FHIT: variants seen among roughly 807,000 people sequenced by gnomAD.
FHIT encodes the protein bis(5'-adenosyl)-triphosphatase.
FHIT carries 19 observed loss-of-function variants against 17.9 expected under a neutral mutation model. The observed-to-expected ratio is 1.06, with a 90% CI of 0.74 to 1.56. The LOEUF (loss-of-function observed/expected upper bound fraction) is 1.56. Among genes scored for constraint, FHIT ranks in the 40% most tolerant of loss-of-function variants. The pLI is 0.00. For synonymous variants in FHIT, 81 were observed against 69.7 expected, an observed-to-expected ratio of 1.16 and a Z score of -0.81; for missense variants, 248 against 189.2, an observed-to-expected ratio of 1.31 and a Z score of -1.82.
intron 5 of FHIT, among the ~76,000 whole-genome samples, chr3:60,132,945 A>T (rs1480875107): frequency 6.6e-6 from 1 of 152,128 alleles, no homozygotes; most frequent in East Asian, 1.9e-4. Context: ...ATTACTGAAG[A>T]CAAATGACAT....
chr3:60,172,973 G>A (rs1022026262), intron 5 of FHIT, among the ~76,000 whole-genome samples: 2 of 152,084 alleles, frequency 1.3e-5, no homozygotes, highest in Non-Finnish European at 2.9e-5. Context: ...TATGGGTAAC[G>A]AATAAAACAC....
At chr3:60,225,173 C>T (rs1009495718) in intron 5 of FHIT, among the ~76,000 whole-genome samples, 1 of 152,204 alleles carries the variant, frequency 6.6e-6, no homozygotes, top group Admixed American at 6.5e-5. Context: ...TAATAGTTCA[C>T]AGACCATATA....
rs567724479 is a variant in FHIT at position 60,265,010 on chromosome 3, C to T, written c.104-250858G>A. ...ATTGCTCCCAAGAATTAATTTTCAC[C>T]GGCTTGGGGGTGATATCACTCCCAC... On this transcript the variant is annotated intron_variant, in intron 5 of 9. Transcript: ENST00000492590. 9.2e-5 allele frequency among the ~76,000 whole-genome samples: 14 copies of T among 151,778 alleles called. No individual in the cohort carries two copies. In the East Asian group the frequency reaches 9.7e-4, roughly 11 times the overall value.
chr3:60,275,927 T>G (rs1224172490), intron 5 of FHIT, among the ~76,000 whole-genome samples: 2 of 152,196 alleles, frequency 1.3e-5, no homozygotes, highest in African/African-American at 4.8e-5. Flanking sequence ...CAGCAATTAT[T>G]GCTCTCCTTC....
intron 8 of FHIT, among the ~76,000 whole-genome samples, chr3:59,894,053 G>A (rs1703963423): frequency 6.6e-6 from 1 of 152,158 alleles, no homozygotes; most frequent in Admixed American, 6.5e-5. Flanking sequence ...GATCACTTTA[G>A]ACCAGCCTGG....
At chr3:60,333,176 A>T (rs568048173) in intron 5 of FHIT, among the ~76,000 whole-genome samples, 30 of 152,248 alleles carry the variant, frequency 2.0e-4, no homozygotes, top group Non-Finnish European at 4.0e-4. Context: ...TGCTTCTGTT[A>T]TCCAATGCTG....
At chr3:61,221,779 A>G (rs1260433310) in intron 1 of FHIT, among the ~76,000 whole-genome samples, 1 of 152,182 alleles carries the variant, frequency 6.6e-6, no homozygotes, top group Non-Finnish European at 1.5e-5. Context: ...GTTGGAGAAT[A>G]CCAGCTCCCC....
chr3:59,805,646 GA>G (rs931560650), intron 8 of FHIT, among the ~76,000 whole-genome samples: 2 of 152,172 alleles, frequency 1.3e-5, no homozygotes, highest in Non-Finnish European at 2.9e-5. Context: ...TCTAACTGTA[GA>G]AATGGAATGG....
At chr3:60,145,996 T>G (rs1700222252) in intron 5 of FHIT, among the ~76,000 whole-genome samples, 2 of 152,192 alleles carry the variant, frequency 1.3e-5, no homozygotes, top group East Asian at 1.9e-4. Context: ...CATACAGCTT[T>G]GTCATCAAAA....
At chr3:60,173,932 T>TTTTTTTTTTTTG (rs1701550690) in intron 5 of FHIT, among the ~76,000 whole-genome samples, 1 of 113,352 alleles carries the variant, frequency 8.8e-6, no homozygotes, top group Non-Finnish European at 1.8e-5. Context: ...TTTTTTTTTT[T>TTTTTTTTTTTTG]GAGATCGAGT....
chr3:60,426,859 T>A (rs1702687178), intron 5 of FHIT, among the ~76,000 whole-genome samples: 1 of 152,154 alleles, frequency 6.6e-6, no homozygotes, highest in Non-Finnish European at 1.5e-5. Context: ...AGCAGACTTC[T>A]GAGATGTCCC....
chr3:60,090,411 G>A (rs1244426375), intron 5 of FHIT, among the ~76,000 whole-genome samples: 3 of 152,128 alleles, frequency 2.0e-5, no homozygotes, highest in African/African-American at 4.8e-5. Context: ...TAATTCAGTG[G>A]CCTGTTTGGT....
At chr3:60,388,693 T>C (rs1299681633) in intron 5 of FHIT, among the ~76,000 whole-genome samples, 1 of 152,220 alleles carries the variant, frequency 6.6e-6, no homozygotes, top group Non-Finnish European at 1.5e-5. Flanking sequence ...TATGCATTCA[T>C]ACATTGCTAC....
chr3:60,114,489 C>CTTTTTT (rs1576129465), intron 5 of FHIT, among the ~76,000 whole-genome samples: 3 of 61,602 alleles, frequency 4.9e-5, no homozygotes, highest in African/African-American at 1.3e-4. Context: ...AAGAGAAATC[C>CTTTTTT]TTTTTTTTTT....
chr3:60,851,207 G>C (rs782793218), intron 3 of FHIT, among the ~76,000 whole-genome samples: 8 of 152,104 alleles, frequency 5.3e-5, no homozygotes, highest in Non-Finnish European at 1.0e-4. Flanking sequence ...TTAAGTCAGA[G>C]CTTAGAAAGT....
chr3:60,894,196 T>G (rs1306491846), intron 3 of FHIT, among the ~76,000 whole-genome samples: 1 of 152,206 alleles, frequency 6.6e-6, no homozygotes, highest in Non-Finnish European at 1.5e-5. Context: ...ACCTCGTGTA[T>G]AGTTAACCAC....
At chr3:60,177,075 A>T (rs1342260158) in intron 5 of FHIT, among the ~76,000 whole-genome samples, 2 of 152,122 alleles carry the variant, frequency 1.3e-5, no homozygotes, top group Non-Finnish European at 1.5e-5. Flanking sequence ...AATGATGAAA[A>T]ATCTGTGCGA....
At chr3:60,378,372 A>G (rs1356971291) in intron 5 of FHIT, among the ~76,000 whole-genome samples, 1 of 152,170 alleles carries the variant, frequency 6.6e-6, no homozygotes, top group African/African-American at 2.4e-5. Flanking sequence ...ACGTTTGCCT[A>G]AATTTTCTTC....
chr3:59,997,690 C>T (rs1318099186), intron 7 of FHIT, among the ~76,000 whole-genome samples: 2 of 152,176 alleles, frequency 1.3e-5, no homozygotes, highest in Non-Finnish European at 2.9e-5. Flanking sequence ...TCACAAATTA[C>T]ATGCTTACTC....
Sources: gnomAD v4.1 joint callset for allele counts (sites outside exome capture counted in the v4.1 genomes callset) on GRCh38, gnomAD v4.1.1 for gene constraint, MANE v1.5 for transcripts, NCBI Gene and HGNC (gene_info 2026-07-23, HGNC 2026-07-21) for gene names.